RRAGC: variants seen among roughly 807,000 people sequenced by gnomAD.
RRAGC encodes the protein Ras related GTP binding C.
In RRAGC, 8 loss-of-function variants were observed where a neutral mutation model predicts 37.1. That is an observed-to-expected ratio of 0.22 (90% CI 0.13 to 0.39). The LOEUF is 0.39. Among genes scored for constraint, RRAGC ranks in the 10% least tolerant of loss-of-function variants. The probability of loss-of-function intolerance (pLI) is 1.00; values close to 1 mark genes in which losing one functional copy is unlikely to be tolerated. For missense variants in RRAGC, 342 were observed against 497.6 expected, an observed-to-expected ratio of 0.69 and a Z score of 2.98; for synonymous variants, 190 against 181.1, an observed-to-expected ratio of 1.05 and a Z score of -0.39.
chr1:38,855,224 G>C (rs996804812), intron 3 of RRAGC, among the ~76,000 whole-genome samples: 1 of 152,162 alleles, frequency 6.6e-6, no homozygotes, highest in Non-Finnish European at 1.5e-5. Flanking sequence ...AAGGGAGCCA[G>C]CAGGAAAAAT....
Position 38,848,377 on chromosome 1 carries a change from C to A in RRAGC, c.900-2290G>T, listed in dbSNP as rs115550785. 3.4e-3 allele frequency among the ~76,000 whole-genome samples: 514 copies of A among 152,098 alleles called. 5 individuals are homozygous for A. The highest frequency in any genetic ancestry group is 0.012 in the African/African-American group (493 of 41,482). Reference sequence around the variant, plus strand: ...GACAACAGGTTCCAACATAGACAACCCTAAAGATGATTCCCTAAACCAGTA... The same window carrying A: ...GACAACAGGTTCCAACATAGACAACACTAAAGATGATTCCCTAAACCAGTA... On this transcript the variant is annotated intron_variant, in intron 5 of 6. Coordinates refer to ENST00000373001, the MANE Select transcript of RRAGC (RefSeq NM_022157.4).
At chr1:38,850,104 G>A (rs772178185) in intron 5 of RRAGC, among the ~76,000 whole-genome samples, 5 of 152,116 alleles carry the variant, frequency 3.3e-5, no homozygotes, top group Non-Finnish European at 5.9e-5. Flanking sequence ...TACTCGGGAG[G>A]CTGACGCAGG....
In RRAGC at chr1:38,838,600, C is replaced by CT. The variant is rs1278199956; in HGVS notation, c.*952dup. ...AGAGACAAAGTATGTAAAACAATGC[C>CT]TGTTGCAGCACCACGTGCTCACTCC... On this transcript the variant is annotated 3_prime_UTR_variant, in exon 7 of 7. Coordinates refer to ENST00000373001, the MANE Select transcript of RRAGC (RefSeq NM_022157.4). 6.6e-6 allele frequency: 1 copy of CT among 152,254 alleles called. No individual in the cohort carries two copies. The highest frequency in any genetic ancestry group is 1.5e-5 in the Non-Finnish European group (1 of 68,048). 9.4% of individuals were successfully genotyped at this position (152,254 alleles called of 1,614,324 possible). A position where few individuals can be genotyped will look rare whatever the true frequency, so the allele number is the denominator to read the frequency against.
In RRAGC at chr1:38,859,704, GCCGCCTCCCCAGT is replaced by G; in HGVS notation, c.-71_-59del. The G allele has an allele frequency of 7.5e-7, 1 of 1,338,212 alleles. No individual in the cohort carries two copies. The highest frequency in any genetic ancestry group is 9.6e-7 in the Non-Finnish European group (1 of 1,038,420). 82.9% of individuals were successfully genotyped at this position (1,338,212 alleles called of 1,614,324 possible). ...AGGCCAGGCCAGGCCGAGCCAGGCC[GCCGCCTCCCCAGT>G]CCGCCTCCGCCGCCGCCGCCACCAC... On this transcript the variant is annotated 5_prime_UTR_variant, in exon 1 of 7. Transcript: ENST00000373001.
At chr1:38,857,704 A>T (rs1489013193) in intron 1 of RRAGC, among the ~76,000 whole-genome samples, 1 of 152,226 alleles carries the variant, frequency 6.6e-6, no homozygotes, top group Admixed American at 6.5e-5. Flanking sequence ...TCACGCCTTC[A>T]ATCCCAGCAC....
chr1:38,851,804 A>G (rs1393186877), intron 4 of RRAGC, 47 bp from the exon 5 acceptor site: 1 of 1,518,982 alleles, frequency 6.6e-7, no homozygotes, highest in African/African-American at 1.4e-5. Flanking sequence ...TAAGAATCAC[A>G]ATTTACAACT....
chr1:38,852,466 C>A lies in RRAGC; in HGVS notation c.664G>T (p.Asp222Tyr). Residue 222 changes from aspartate (D) to tyrosine (Y), a missense_variant, in exon 4 of 7, where the codon GAC becomes TAC. Asp to Tyr is a radical substitution (Grantham distance 160, BLOSUM62 -3). Coordinates refer to ENST00000373001, the MANE Select transcript of RRAGC (RefSeq NM_022157.4). The stretch of plus-strand genomic sequence containing the variant: ...CTAAAGGCTTCAAATATTGAATGGT[C>A]ATAGATACTAGTCAGATAAAAGCTG... ...HLSFYLTSIY[D>Y]HSIFEAFSKV... 6.3e-7 allele frequency: 1 copy of A among 1,588,836 alleles called. No individual in the cohort carries two copies. The highest frequency in any genetic ancestry group is 1.1e-5 in the South Asian group (1 of 89,856).
chr1:38,856,336 C>A (rs1240162679), intron 2 of RRAGC, among the ~76,000 whole-genome samples: 1 of 152,196 alleles, frequency 6.6e-6, no homozygotes, highest in Non-Finnish European at 1.5e-5. Context: ...AAGGCACCCT[C>A]TGTAGAGCCT....
chr1:38,859,205 C>T (rs1437420301), intron 1 of RRAGC, among the ~76,000 whole-genome samples: 1 of 152,268 alleles, frequency 6.6e-6, no homozygotes, highest in Non-Finnish European at 1.5e-5. Flanking sequence ...GCCTTCAGCG[C>T]TCCACTTGGC....
chr1:38,851,534 T>C, intron 5 of RRAGC, 81 bp downstream of exon 5: 1 of 1,311,016 alleles, frequency 7.6e-7, no homozygotes, highest in African/African-American at 1.5e-5. Flanking sequence ...GCCAGGGGCC[T>C]CAGAAATTAG....
chr1:38,849,756 G>T (rs554035559), intron 5 of RRAGC, among the ~76,000 whole-genome samples: 1 of 152,232 alleles, frequency 6.6e-6, no homozygotes, highest in East Asian at 1.9e-4. Context: ...AGTTAAATTT[G>T]ATTTTTGTAT....
intron 3 of RRAGC, among the ~76,000 whole-genome samples, chr1:38,853,915 CAAAG>C (rs1415254192): frequency 1.3e-5 from 2 of 151,984 alleles, no homozygotes; most frequent in African/African-American, 2.4e-5. Flanking sequence ...AAAAGGTGAG[CAAAG>C]AAAGAATGTC....
At chr1:38,840,601 A>C (rs534634467) in intron 6 of RRAGC, among the ~76,000 whole-genome samples, 1 of 152,368 alleles carries the variant, frequency 6.6e-6, no homozygotes, top group Middle Eastern at 3.4e-3. Flanking sequence ...TGAAAACTTC[A>C]GGGACAAGAA....
rs1383003553 is a variant in RRAGC at position 38,839,571 on chromosome 1, C to T, written c.1182G>A (p.Thr394=). ...SSLKALTHNG[T]PRNAI is the part of the protein sequence containing the mutation. ...ATTCAGACTAGATGGCGTTTCGTGG[C>T]GTGCCATTGTGTGTCAGCGCTTTCA... is the stretch of plus-strand genomic sequence containing the variant. Residue 394 remains threonine, a synonymous_variant, in exon 7 of 7, where the codon ACG becomes ACA. Transcript: ENST00000373001. 1.9e-6 allele frequency: 3 copies of T among 1,613,958 alleles called. No individual in the cohort carries two copies. The highest frequency in any genetic ancestry group is 2.2e-5 in the East Asian group (1 of 44,882).
chr1:38,843,539 T>C (rs1480268844), intron 6 of RRAGC, among the ~76,000 whole-genome samples: 1 of 151,646 alleles, frequency 6.6e-6, no homozygotes, highest in Non-Finnish European at 1.5e-5. Flanking sequence ...GCTAACGCAG[T>C]GAAACCCCGC....
At chr1:38,857,579 G>C (rs555105257) in intron 1 of RRAGC, among the ~76,000 whole-genome samples, 66 of 152,244 alleles carry the variant, frequency 4.3e-4, no homozygotes, top group Non-Finnish European at 7.5e-4. Context: ...CAAGTAGAAA[G>C]TGAAAACGTC....
chr1:38,838,595 A>G lies in RRAGC; in HGVS notation c.*958T>C, dbSNP rs1158731762. 2 of 152,270 alleles carry G rather than the reference A, an allele frequency of 1.3e-5. No individual in the cohort carries two copies. The highest frequency in any genetic ancestry group is 1.5e-5 in the Non-Finnish European group (1 of 68,046). 9.4% of individuals were successfully genotyped at this position (152,270 alleles called of 1,614,324 possible). On this transcript the variant is annotated 3_prime_UTR_variant, in exon 7 of 7. Transcript: ENST00000373001. ...ATACTAGAGACAAAGTATGTAAAAC[A>G]ATGCCTGTTGCAGCACCACGTGCTC...
In RRAGC at chr1:38,851,641, A is replaced by C. The variant is rs769831491; in HGVS notation, c.873T>G (p.Val291=). 6.4e-7 allele frequency: 1 copy of C among 1,567,868 alleles called. No homozygotes were observed. The highest frequency in any genetic ancestry group is 1.4e-5 in the African/African-American group (1 of 72,070). ...CATATATACAAGACACATCAATTAC[A>C]ACATCGATCATGTCACAGCAAAGTT... ...SYELCCDMID[V]VIDVSCIYGL... Residue 291 remains valine (V), a synonymous_variant, in exon 5 of 7, where the codon GTT becomes GTG. Transcript: ENST00000373001.
In RRAGC at chr1:38,849,428, C is replaced by T. The variant is rs565556229; in HGVS notation, c.899+2187G>A. On this transcript the variant is annotated intron_variant, in intron 5 of 6. Transcript: ENST00000373001. The stretch of plus-strand genomic sequence containing the variant: ...TATTGGCTGGGAGTGGTAGCTCACG[C>T]CTGTAATCCCAGCACTTTGAGAGGC... 2.4e-4 allele frequency among the ~76,000 whole-genome samples: 36 copies of T among 152,312 alleles called. 1 individual carries two copies. In the Middle Eastern group the frequency reaches 0.01, roughly 43 times the overall value.
Sources: gnomAD v4.1 joint callset for allele counts (sites outside exome capture counted in the v4.1 genomes callset) on GRCh38, gnomAD v4.1.1 for gene constraint, MANE v1.5 for transcripts, NCBI Gene and HGNC (gene_info 2026-07-23, HGNC 2026-07-21) for gene names.